PHF11: variants seen among roughly 807,000 people sequenced by gnomAD.
PHF11 encodes PHD finger protein 11.
A neutral mutation model predicts 40.5 loss-of-function variants in PHF11; 38 were observed. The ratio of observed to expected loss-of-function variants is 0.94; its 90% CI spans 0.72 to 1.23. The LOEUF (loss-of-function observed/expected upper bound fraction) is 1.23, where lower values mean the gene tolerates loss of function less well. PHF11 is among the 50% of genes most tolerant of loss of function. The pLI, the probability that PHF11 is intolerant of heterozygous loss-of-function variation, is 0.00. For missense variants in PHF11, 369 were observed against 392.4 expected, an observed-to-expected ratio of 0.94 and a Z score of 0.50; for synonymous variants, 127 against 138.2, an observed-to-expected ratio of 0.92 and a Z score of 0.57.
At chr13:49,513,979 T>C (rs1959114685) in intron 3 of PHF11, among the ~76,000 whole-genome samples, 1 of 152,192 alleles carries the variant, frequency 6.6e-6, no homozygotes, top group Admixed American at 6.5e-5. Context: ...ATAAGCCCCC[T>C]TCTGAAAGTT....
intron 1 of PHF11, among the ~76,000 whole-genome samples, chr13:49,497,394 G>A (rs944996849): frequency 9.2e-5 from 14 of 152,018 alleles, no homozygotes; most frequent in African/African-American, 3.4e-4. Flanking sequence ...CATTCCATTC[G>A]CCCAGGTGCT....
intron 3 of PHF11, 111 bp from the exon 4 acceptor site, chr13:49,517,907 C>A: frequency 1.6e-6 from 1 of 625,978 alleles, no homozygotes; most frequent in Non-Finnish European, 2.8e-6. Context: ...CTGATGATGC[C>A]CAGGATAAAA....
At chr13:49,502,567 G>A (rs1273352919) in intron 1 of PHF11, among the ~76,000 whole-genome samples, 1 of 152,178 alleles carries the variant, frequency 6.6e-6, no homozygotes, top group African/African-American at 2.4e-5. Flanking sequence ...AATGGGCTAA[G>A]GACATGAGTG....
At chr13:49,507,235 G>C (rs771600588) in intron 2 of PHF11, among the ~76,000 whole-genome samples, 6 of 152,018 alleles carry the variant, frequency 3.9e-5, no homozygotes, top group Non-Finnish European at 8.8e-5. Context: ...ACTTTGAACT[G>C]TTTCAGATTT....
intron 3 of PHF11, among the ~76,000 whole-genome samples, chr13:49,515,136 G>A (rs1959135171): frequency 6.6e-6 from 1 of 152,118 alleles, no homozygotes; most frequent in South Asian, 2.1e-4. Flanking sequence ...CTTCCCTACT[G>A]GGAAGGCTTT....
Position 49,506,636 on chromosome 13 carries a change from T to C in PHF11, c.96T>C (p.Gly32=), listed in dbSNP as rs1258897157. The part of the protein sequence containing the change: ...PAQEALLLPT[G]VFQVAEKMEK... ...TCTCACCAGGGATATTACTTATAGG[T>C]GTCTTTCAGGTTGCAGAAAAGATGG... Residue 32 remains glycine, a splice_region_variant and synonymous_variant, in exon 2 of 10, where the codon GGT becomes GGC. Transcript: ENST00000378319. 3.7e-6 allele frequency: 6 copies of C among 1,613,202 alleles called. No individual in the cohort carries two copies. The highest frequency in any genetic ancestry group is 5.1e-6 in the Non-Finnish European group (6 of 1,179,638).
At position 49,526,623 on chromosome 13, in the gene PHF11, C is replaced by CCA. The variant is rs1241262282; in HGVS notation, c.841+174_841+175dup. On this transcript the variant is annotated intron_variant, in intron 9 of 9. Transcript: ENST00000378319. The stretch of plus-strand genomic sequence containing the variant: ...AAACAGTATGACCCCGCCCACCTGC[C>CCA]CACACACACAGGAAAAAAATATCGA... 3.3e-5 allele frequency among the ~76,000 whole-genome samples: 5 copies of CCA among 151,362 alleles called. No homozygotes were observed. In the East Asian group the frequency reaches 5.8e-4, roughly 18 times the overall value.
intron 1 of PHF11, among the ~76,000 whole-genome samples, chr13:49,503,008 G>A (rs182308142): frequency 1.3e-5 from 2 of 152,124 alleles, no homozygotes; most frequent in African/African-American, 2.4e-5. Context: ...ACAGGCGTGA[G>A]CACCGTGCCC....
chr13:49,528,448 G>T (rs1346124801), intron 9 of PHF11, 63 bp from the exon 10 acceptor site: 4 of 1,163,932 alleles, frequency 3.4e-6, no homozygotes, highest in South Asian at 1.5e-5. Flanking sequence ...GGCTAGAAAT[G>T]GTACATTATT....
At chr13:49,503,673 A>C (rs1280093908) in intron 1 of PHF11, among the ~76,000 whole-genome samples, 1 of 152,220 alleles carries the variant, frequency 6.6e-6, no homozygotes, top group Non-Finnish European at 1.5e-5. Flanking sequence ...TCTTTGACAT[A>C]TTTGGTTGCA....
chr13:49,511,327 C>CTTTTTTT (rs10627347), intron 2 of PHF11, among the ~76,000 whole-genome samples: 1 of 125,878 alleles, frequency 7.9e-6, no homozygotes, highest in Non-Finnish European at 1.6e-5. Context: ...TGTTCAATGG[C>CTTTTTTT]TTTTTTTTTT....
intron 3 of PHF11, among the ~76,000 whole-genome samples, chr13:49,514,331 G>A (rs1165897531): frequency 1.3e-5 from 2 of 152,172 alleles, no homozygotes; most frequent in Non-Finnish European, 2.9e-5. Context: ...GTAAAATGAT[G>A]CCCATTTTAA....
intron 4 of PHF11, among the ~76,000 whole-genome samples, chr13:49,519,438 G>A (rs1039151789): frequency 2.6e-5 from 4 of 151,948 alleles, no homozygotes; most frequent in Admixed American, 1.3e-4. Context: ...AACAAATAGG[G>A]ACTCAATAAA....
chr13:49,496,218 C>T, intron 1 of PHF11, 123 bp downstream of exon 1: 1 of 665,690 alleles, frequency 1.5e-6, no homozygotes. Flanking sequence ...CGGGCCGGGG[C>T]CCTAGACGCC....
rs1491587127 is a variant in PHF11, at chr13:49,501,017, G to GTTTTTTTTT, written c.94+4925_94+4933dup. On this transcript the variant is annotated intron_variant, in intron 1 of 9. Transcript: ENST00000378319. The stretch of plus-strand genomic sequence containing the variant: ...CAACTTTTGTTTTTTTTTTTTTTTG[G>GTTTTTTTTT]TTTTTTTTTTTCTGAAATGGAGTTT... Among the ~76,000 whole-genome samples the GTTTTTTTTT allele has an allele frequency of 3.4e-4, 37 of 108,822 alleles. 6 individuals are homozygous for GTTTTTTTTT. The highest frequency in any genetic ancestry group is 9.2e-4 in the African/African-American group (22 of 23,964). 71.4% of individuals were successfully genotyped at this position (108,822 alleles called of 152,430 possible). A position where few individuals can be genotyped will look rare whatever the true frequency, so the allele number is the denominator to read the frequency against.
intron 1 of PHF11, among the ~76,000 whole-genome samples, chr13:49,498,486 A>G (rs1475893772): frequency 6.6e-6 from 1 of 151,894 alleles, no homozygotes; most frequent in Non-Finnish European, 1.5e-5. Flanking sequence ...AGTACATTTC[A>G]GATAGATCAT....
At chr13:49,510,747 AG>A (rs762445653) in intron 2 of PHF11, among the ~76,000 whole-genome samples, 10 of 152,238 alleles carry the variant, frequency 6.6e-5, no homozygotes, top group Non-Finnish European at 1.3e-4. Flanking sequence ...TTGGGATTAG[AG>A]GCGTGAGCTA....
intron 9 of PHF11, among the ~76,000 whole-genome samples, chr13:49,528,143 T>A (rs1023567042): frequency 3.9e-5 from 6 of 152,234 alleles, no homozygotes; most frequent in African/African-American, 1.4e-4. Context: ...AACCTTGGTA[T>A]TCTAGCCACA....
intron 1 of PHF11, among the ~76,000 whole-genome samples, chr13:49,498,293 T>C (rs77929895): frequency 0.085 from 12,992 of 152,320 alleles, 672 homozygotes; most frequent in Non-Finnish European, 0.098. Context: ...TGGGGAAATA[T>C]GAGCAGATGT....
Sources: gnomAD v4.1 joint callset for allele counts (sites outside exome capture counted in the v4.1 genomes callset) on GRCh38, gnomAD v4.1.1 for gene constraint, MANE v1.5 for transcripts, NCBI Gene and HGNC (gene_info 2026-07-23, HGNC 2026-07-21) for gene names.